The following PI15 variants were observed in gnomAD, a reference collection of about 807,000 sequenced individuals.
PI15 encodes the protein 25 kDa trypsin inhibitor.
In PI15, 18 loss-of-function variants were observed where a neutral mutation model predicts 31.0. The ratio of observed to expected loss-of-function variants is 0.58; its 90% confidence interval spans 0.40 to 0.86. The LOEUF (loss-of-function observed/expected upper bound fraction) is 0.86, where lower values mean the gene tolerates loss of function less well. Among genes scored for constraint, PI15 ranks in the 40% least tolerant of loss-of-function variants. PI15 has a pLI of 0.00. For missense variants in PI15, 282 were observed against 328.1 expected, an observed-to-expected ratio of 0.86 and a Z score of 1.09; for synonymous variants, 118 against 119.1, an observed-to-expected ratio of 0.99 and a Z score of 0.06.
chr8:74,834,992 T>C (rs920895290), intron 2 of PI15, among the ~76,000 whole-genome samples: 2 of 134,044 alleles, frequency 1.5e-5, no homozygotes, highest in African/African-American at 6.6e-5. Flanking sequence ...ATTTTTTTCA[T>C]CTTTGTTTCA....
chr8:74,845,075 C>G, intron 3 of PI15, 53 bp from the exon 4 acceptor site: 1 of 1,450,542 alleles, frequency 6.9e-7, no homozygotes. Context: ...AACATGAGTC[C>G]CTTATATATT....
intron 2 of PI15, among the ~76,000 whole-genome samples, chr8:74,831,728 A>C (rs1563565422): frequency 6.6e-6 from 1 of 152,126 alleles, no homozygotes; most frequent in Non-Finnish European, 1.5e-5. Context: ...GGGGGTAAGA[A>C]GGTAGGGAAG....
At position 74,828,256 on chromosome 8, in the gene PI15, C is replaced by T. The variant is rs115173246; in HGVS notation, c.273+2734C>T. On this transcript the variant is annotated intron_variant, in intron 2 of 5. Coordinates refer to ENST00000260113, the MANE Select transcript of PI15 (RefSeq NM_015886.5). ...AAGAGTCACTGAAAGAGCCTGGAGG[C>T]AGGCAAGGGAGTGAGCCACTCTCAA... Among the ~76,000 whole-genome samples the T allele has an allele frequency of 5.2e-3, 795 of 152,144 alleles. 7 individuals are homozygous for T. Among genetic ancestry groups the T allele is most frequent in the African/African-American group, 0.018 (742 of 41,528 alleles).
chr8:74,842,781 A>T (rs1810963707), intron 2 of PI15, among the ~76,000 whole-genome samples: 1 of 152,174 alleles, frequency 6.6e-6, no homozygotes, highest in Non-Finnish European at 1.5e-5. Context: ...TTTTCAATGA[A>T]AGAAAATTTA....
chr8:74,832,878 C>T (rs547265417), intron 2 of PI15, among the ~76,000 whole-genome samples: 2 of 152,270 alleles, frequency 1.3e-5, no homozygotes, highest in South Asian at 2.1e-4. Flanking sequence ...ACACCACATA[C>T]TCCAAACTGA....
chr8:74,832,871 C>A (rs1229388861), intron 2 of PI15, among the ~76,000 whole-genome samples: 1 of 152,106 alleles, frequency 6.6e-6, no homozygotes, highest in African/African-American at 2.4e-5. Context: ...AAATTTCACA[C>A]CACATACTCC....
At chr8:74,834,303 C>G (rs766006314) in intron 2 of PI15, among the ~76,000 whole-genome samples, 1 of 152,132 alleles carries the variant, frequency 6.6e-6, no homozygotes, top group Non-Finnish European at 1.5e-5. Flanking sequence ...GAAAGAATTT[C>G]TTCATGTGGA....
chr8:74,825,296 T>G lies in PI15; in HGVS notation c.47T>G (p.Leu16Arg), dbSNP rs1810677431. The G allele has an allele frequency of 1.2e-6, 2 of 1,613,512 alleles. No homozygotes were observed. The highest frequency in any genetic ancestry group is 4.5e-5 in the East Asian group (2 of 44,850). ...AVSSALLFSL[L>R]CEASTVVLLN... is the part of the protein sequence containing the mutation. ...AGCAGTGCACTCCTGTTCTCCCTTC[T>G]CTGTGAAGCAAGTACCGTCGTCCTA... Residue 16 changes from leucine to arginine, a missense_variant, in exon 2 of 6, where the codon CTC becomes CGC. Transcript: ENST00000260113.
In PI15 at chr8:74,854,523, A is replaced by T. The variant is rs979650891; in HGVS notation, c.*5270A>T. ...AGCTCCCTCTTTTTTCTCTAAAAACAATCAGCTAATAAAAAAAAAATTTGA... is the reference window on the plus strand; with the variant it reads ...AGCTCCCTCTTTTTTCTCTAAAAACTATCAGCTAATAAAAAAAAAATTTGA... On this transcript the variant is annotated 3_prime_UTR_variant, in exon 6 of 6. Coordinates refer to ENST00000260113, the MANE Select transcript of PI15 (RefSeq NM_015886.5). 6.6e-6 allele frequency: 1 copy of T among 152,052 alleles called. No individual in the cohort carries two copies. Among genetic ancestry groups the T allele is most frequent in the Admixed American group, 6.6e-5 (1 of 15,250 alleles). The allele number at this position is 152,052 out of a possible 1,614,324, so 9.4% of individuals were successfully genotyped here. A position where few individuals can be genotyped will look rare whatever the true frequency, so the allele number is the denominator to read the frequency against.
At chr8:74,842,594 C>G (rs1229401498) in intron 2 of PI15, among the ~76,000 whole-genome samples, 1 of 151,890 alleles carries the variant, frequency 6.6e-6, no homozygotes, top group South Asian at 2.1e-4. Flanking sequence ...TATTTTTGTA[C>G]CTTATGACTT....
At chr8:74,848,790 G>A (rs1811062315) in intron 5 of PI15, among the ~76,000 whole-genome samples, 2 of 149,964 alleles carry the variant, frequency 1.3e-5, no homozygotes, top group South Asian at 2.1e-4. Flanking sequence ...CTGGAGTGCA[G>A]TGGTGCCATC....
rs75416446 is a variant in PI15 at position 74,836,713 on chromosome 8, C to G, written c.274-7268C>G. Reference sequence around the variant, plus strand: ...TGAAACCAAGGGATGAAAGTGTGCTCAGAAAGAGTAAGTGGTCAGGCATGC... The same window carrying G: ...TGAAACCAAGGGATGAAAGTGTGCTGAGAAAGAGTAAGTGGTCAGGCATGC... On this transcript the variant is annotated intron_variant, in intron 2 of 5. Transcript: ENST00000260113. Among the ~76,000 whole-genome samples the G allele has an allele frequency of 1.9e-4, 29 of 152,102 alleles. No individual in the cohort carries two copies. The East Asian group carries it at 4.5e-3, about 23-fold the overall frequency.
chr8:74,825,046 TAG>T (rs1810671594), intron 1 of PI15, 162 bp from the exon 2 acceptor site: 1 of 632,536 alleles, frequency 1.6e-6, no homozygotes, highest in Non-Finnish European at 2.8e-6. Flanking sequence ...AAAAAATGAA[TAG>T]AGATTCTACT....
rs769552975 is a variant in PI15 at position 74,825,385 on chromosome 8, G to T, written c.136G>T (p.Ala46Ser). 4 of 1,613,488 alleles carry T rather than the reference G, an allele frequency of 2.5e-6. No homozygotes were observed. The South Asian group carries it at 4.4e-5, about 18-fold the overall frequency. ...NFTDIEAALK[A>S]QLDSADIPKA... The stretch of plus-strand genomic sequence containing the variant: ...CACTGATATTGAAGCAGCTCTGAAA[G>T]CACAATTAGATTCAGCGGATATCCC... The change falls in exon 2 of 6, where the codon GCA becomes TCA. Residue 46 changes from alanine to serine, a missense_variant. Transcript: ENST00000260113.
At chr8:74,831,361 T>G (rs1320481610) in intron 2 of PI15, among the ~76,000 whole-genome samples, 1 of 152,164 alleles carries the variant, frequency 6.6e-6, no homozygotes, top group Admixed American at 6.6e-5. Context: ...TTATTGTGTT[T>G]CTGTTGAATA....
chr8:74,825,620 CG>C, intron 2 of PI15, 98 bp downstream of exon 2: 1 of 946,936 alleles, frequency 1.1e-6, no homozygotes, highest in Non-Finnish European at 1.6e-6. Flanking sequence ...TTTATATGTC[CG>C]GGTATATGGA....
At chr8:74,839,924 C>T (rs1034761649) in intron 2 of PI15, among the ~76,000 whole-genome samples, 1 of 152,110 alleles carries the variant, frequency 6.6e-6, no homozygotes, top group Non-Finnish European at 1.5e-5. Flanking sequence ...AATGTTTATA[C>T]AATTTACATC....
chr8:74,848,128 A>T (rs1303784860), intron 5 of PI15, among the ~76,000 whole-genome samples: 1 of 152,206 alleles, frequency 6.6e-6, no homozygotes, highest in Admixed American at 6.5e-5. Context: ...AGTGAAGGAA[A>T]AATATTGACA....
chr8:74,827,741 T>A (rs2128763306), intron 2 of PI15, among the ~76,000 whole-genome samples: 1 of 152,328 alleles, frequency 6.6e-6, no homozygotes, highest in South Asian at 2.1e-4. Flanking sequence ...TCTTTCCTTC[T>A]TTAAAATGCC....
Sources: gnomAD v4.1 joint callset for allele counts (sites outside exome capture counted in the v4.1 genomes callset) on GRCh38, gnomAD v4.1.1 for gene constraint, MANE v1.5 for transcripts, NCBI Gene and HGNC (gene_info 2026-07-23, HGNC 2026-07-21) for gene names.